ELL2: variants seen among roughly 807,000 people sequenced by gnomAD.
The protein encoded by ELL2 is elongation factor for RNA polymerase II 2.
Under a neutral mutation model 72.8 loss-of-function variants are expected in ELL2, and 21 were observed. That is an observed-to-expected ratio of 0.29 (90% CI 0.20 to 0.42). The LOEUF is 0.42. Ranked by LOEUF, ELL2 falls within the 10% of genes least tolerant of loss-of-function variation. The probability of loss-of-function intolerance (pLI) is 1.00; values close to 1 mark genes in which losing one functional copy is unlikely to be tolerated. For synonymous variants in ELL2, 266 were observed against 283.2 expected (o/e 0.94, Z 0.61); for missense variants, 568 against 772.8 (o/e 0.73, Z 3.14).
In ELL2 at chr5:95,897,696, CA is replaced by C. The variant is rs1748927252; in HGVS notation, c.1525+543del. ...TAAGATCTATTAAGCGAACGCTAGC[CA>C]ACAGTCTTGCAAAAGACAAAGTGTT... is the stretch of plus-strand genomic sequence containing the variant. On this transcript the variant is annotated intron_variant, in intron 8 of 11. Transcript: ENST00000237853. Among the ~76,000 whole-genome samples, 3 of 152,126 alleles carry C rather than the reference CA, an allele frequency of 2.0e-5. No individual in the cohort carries two copies. In the South Asian group the frequency reaches 6.2e-4, roughly 32 times the overall value.
chr5:95,952,190 AAC>A (rs1427963754), intron 1 of ELL2, among the ~76,000 whole-genome samples: 1 of 152,170 alleles, frequency 6.6e-6, no homozygotes, highest in African/African-American at 2.4e-5. Context: ...ACCCTATGCA[AAC>A]TAACACAGGA....
chr5:95,935,515 T>C (rs1561508807), intron 2 of ELL2, among the ~76,000 whole-genome samples: 1 of 152,198 alleles, frequency 6.6e-6, no homozygotes, highest in Admixed American at 6.5e-5. Context: ...CATCTGTAAA[T>C]CTACCTTTTC....
At chr5:95,901,187 C>T (rs1322772605) in intron 5 of ELL2, 107 bp from the exon 6 acceptor site, 4 of 1,226,026 alleles carry the variant, frequency 3.3e-6, no homozygotes, top group Non-Finnish European at 4.4e-6. Context: ...ATCAATTGGC[C>T]CCAAAGGGAC....
chr5:95,923,222 A>T (rs1750160117), intron 2 of ELL2, among the ~76,000 whole-genome samples: 1 of 143,946 alleles, frequency 6.9e-6, no homozygotes, highest in Non-Finnish European at 1.5e-5. Context: ...CTGTGTCTAT[A>T]AAAATAAAAA....
intron 10 of ELL2, among the ~76,000 whole-genome samples, chr5:95,890,349 C>T (rs1465252912): frequency 1.3e-5 from 2 of 152,162 alleles, no homozygotes; most frequent in African/African-American, 4.8e-5. Flanking sequence ...TCCATTGTCT[C>T]ACGTAGGCTC....
chr5:95,898,103 A>C, intron 8 of ELL2, 137 bp downstream of exon 8: 2 of 730,806 alleles, frequency 2.7e-6, no homozygotes, highest in Non-Finnish European at 4.0e-6. Context: ...AAAAAAAAAA[A>C]AAAAACTGCT....
At chr5:95,896,616 C>G (rs982336319) in intron 8 of ELL2, among the ~76,000 whole-genome samples, 1 of 152,116 alleles carries the variant, frequency 6.6e-6, no homozygotes, top group South Asian at 2.1e-4. Context: ...CATGCTTTTA[C>G]GATAGTCTGA....
At chr5:95,898,171 C>A (rs1265756468) in intron 8 of ELL2, 69 bp downstream of exon 8, 10 of 1,198,360 alleles carry the variant, frequency 8.3e-6, no homozygotes, top group Non-Finnish European at 1.1e-5. Context: ...AAAGAAATTA[C>A]TAATTATAAA....
intron 9 of ELL2, among the ~76,000 whole-genome samples, chr5:95,893,949 G>C (rs1748764850): frequency 6.6e-6 from 1 of 152,098 alleles, no homozygotes; most frequent in African/African-American, 2.4e-5. Context: ...TAAGTAACCT[G>C]AAAAAACCTT....
Position 95,887,978 on chromosome 5 carries a change from AAAAAAAAC to A in ELL2, c.*885_*892del, listed in dbSNP as rs979760738. On this transcript the variant is annotated 3_prime_UTR_variant, in exon 12 of 12. Transcript: ENST00000237853. ...AACAAAAGTAGCAATTTGATAGAAG[AAAAAAAAC>A]AAAAAAACAAAAAAACACCCTACAG... 35 of 152,250 alleles carry A rather than the reference AAAAAAAAC, an allele frequency of 2.3e-4. No homozygotes were observed. Among genetic ancestry groups the A allele is most frequent in the African/African-American group, 7.7e-4 (32 of 41,342 alleles). The allele number at this position is 152,250 out of a possible 1,614,324, so 9.4% of individuals were successfully genotyped here. A position where few individuals can be genotyped will look rare whatever the true frequency, so the allele number is the denominator to read the frequency against.
chr5:95,927,201 C>T (rs777861713), intron 2 of ELL2, among the ~76,000 whole-genome samples: 2 of 151,258 alleles, frequency 1.3e-5, no homozygotes, highest in Non-Finnish European at 2.9e-5. Flanking sequence ...TGCCTAGGAC[C>T]AGGACAGGGA....
At chr5:95,939,129 C>T (rs1750882034) in intron 2 of ELL2, among the ~76,000 whole-genome samples, 1 of 152,186 alleles carries the variant, frequency 6.6e-6, no homozygotes, top group South Asian at 2.1e-4. Flanking sequence ...GAATTTTACA[C>T]ACCTATTGCC....
At chr5:95,938,365 A>C (rs1487874581) in intron 2 of ELL2, among the ~76,000 whole-genome samples, 4 of 152,218 alleles carry the variant, frequency 2.6e-5, no homozygotes, top group African/African-American at 9.6e-5. Flanking sequence ...CACAGGAGAT[A>C]CTGCATGGTA....
intron 10 of ELL2, among the ~76,000 whole-genome samples, chr5:95,890,163 A>G (rs78477936): frequency 3.9e-4 from 60 of 152,322 alleles, no homozygotes; most frequent in Middle Eastern, 6.8e-3. Context: ...AGAAAAAAAA[A>G]TAAACCCCAA....
rs1451026801 is a variant in ELL2, at chr5:95,927,532, CGT to C, written c.196-7989_196-7988del. The stretch of plus-strand genomic sequence containing the variant: ...ACGTGTGTATATAGACATACACACA[CGT>C]GTGTATATAGACATACACACACACG... On this transcript the variant is annotated intron_variant, in intron 2 of 11. Coordinates refer to ENST00000237853, the MANE Select transcript of ELL2 (RefSeq NM_012081.6). 2.9e-4 allele frequency among the ~76,000 whole-genome samples: 9 copies of C among 31,428 alleles called. 1 individual carries two copies. Among genetic ancestry groups the C allele is most frequent in the Admixed American group, 1.4e-3 (6 of 4,434 alleles). 20.6% of individuals were successfully genotyped at this position (31,428 alleles called of 152,430 possible). A position where few individuals can be genotyped will look rare whatever the true frequency, so the allele number is the denominator to read the frequency against.
At chr5:95,933,662 C>G (rs931723459) in intron 2 of ELL2, among the ~76,000 whole-genome samples, 1 of 152,020 alleles carries the variant, frequency 6.6e-6, no homozygotes, top group Non-Finnish European at 1.5e-5. Flanking sequence ...ATACACTTTA[C>G]AAATGTTTAT....
intron 9 of ELL2, among the ~76,000 whole-genome samples, chr5:95,892,997 T>C (rs1026436501): frequency 1.3e-5 from 2 of 152,184 alleles, no homozygotes; most frequent in Non-Finnish European, 2.9e-5. Context: ...AAGAGGTTCC[T>C]GGGGATAAGC....
chr5:95,907,296 A>ATATTTTTTTTTTTTTTTT lies in ELL2; in HGVS notation c.482-515_482-514insAAAAAAAAAAAAAAAATA. 8.5e-4 allele frequency among the ~76,000 whole-genome samples: 99 copies of ATATTTTTTTTTTTTTTTT among 116,434 alleles called. 1 individual carries two copies. The highest frequency in any genetic ancestry group is 3.7e-3 in the African/African-American group (90 of 24,468). 76.4% of individuals were successfully genotyped at this position (116,434 alleles called of 152,430 possible). A position where few individuals can be genotyped will look rare whatever the true frequency, so the allele number is the denominator to read the frequency against. On this transcript the variant is annotated intron_variant, in intron 4 of 11. Coordinates refer to ENST00000237853, the MANE Select transcript of ELL2 (RefSeq NM_012081.6). ...GTTAGTGATATATATATATATATAT[A>ATATTTTTTTTTTTTTTTT]TTTTTTTTTTTTACAGGCCAAGACA...
At chr5:95,948,078 A>T (rs142042593) in intron 1 of ELL2, among the ~76,000 whole-genome samples, 39 of 152,292 alleles carry the variant, frequency 2.6e-4, no homozygotes, top group African/African-American at 8.4e-4. Context: ...CAAAGGCTTT[A>T]CTGATTTTAA....
Sources: allele counts gnomAD v4.1 joint callset (sites outside exome capture counted in the v4.1 genomes callset), GRCh38; gene constraint gnomAD v4.1.1; transcripts MANE v1.5; gene names NCBI Gene and HGNC (gene_info 2026-07-23, HGNC 2026-07-21).